NEGR1: variants seen among roughly 807,000 people sequenced by gnomAD.
NEGR1 encodes the protein neuronal growth regulator 1.
NEGR1 carries 10 observed loss-of-function variants against 40.9 expected under a neutral mutation model. That is an observed-to-expected ratio of 0.24 (90% CI 0.15 to 0.42). The LOEUF (loss-of-function observed/expected upper bound fraction) is 0.42. NEGR1 is among the 10% of genes least tolerant of loss of function. NEGR1 has a pLI of 1.00. For missense variants in NEGR1, 352 were observed against 438.9 expected (o/e 0.80, Z 1.77); for synonymous variants, 185 against 166.8 (o/e 1.11, Z -0.84).
intron 6 of NEGR1, among the ~76,000 whole-genome samples, chr1:71,556,661 A>C (rs879536755): frequency 2.6e-5 from 4 of 151,614 alleles, no homozygotes; most frequent in Middle Eastern, 6.8e-3. Context: ...ACATACACAC[A>C]CACAAGTCCA....
At chr1:71,873,789 C>A (rs939998576) in intron 2 of NEGR1, among the ~76,000 whole-genome samples, 1 of 152,050 alleles carries the variant, frequency 6.6e-6, no homozygotes, top group Non-Finnish European at 1.5e-5. Context: ...TTCATCATTG[C>A]TATAGTTGAA....
chr1:72,257,301 G>A (rs1557601379), intron 1 of NEGR1, among the ~76,000 whole-genome samples: 2 of 120,946 alleles, frequency 1.7e-5, no homozygotes, highest in African/African-American at 6.6e-5. Context: ...CAGCCTGGGC[G>A]ACAGAGCGAG....
At chr1:71,879,693 A>G (rs1462225656) in intron 2 of NEGR1, among the ~76,000 whole-genome samples, 7 of 152,172 alleles carry the variant, frequency 4.6e-5, no homozygotes, top group Admixed American at 1.3e-4. Context: ...GCTCTTCACT[A>G]AAGCATTTCA....
At chr1:72,127,235 C>A (rs890022072) in intron 1 of NEGR1, among the ~76,000 whole-genome samples, 1 of 152,022 alleles carries the variant, frequency 6.6e-6, no homozygotes, top group African/African-American at 2.4e-5. Context: ...GAGGCCGAGG[C>A]GGGAAGATCA....
At chr1:72,257,606 A>G (rs1247251478) in intron 1 of NEGR1, among the ~76,000 whole-genome samples, 2 of 152,182 alleles carry the variant, frequency 1.3e-5, no homozygotes, top group Non-Finnish European at 2.9e-5. Context: ...TTTCTCCAAC[A>G]TGAATAAAGT....
At chr1:72,219,672 T>C (rs184014051) in intron 1 of NEGR1, among the ~76,000 whole-genome samples, 1 of 152,202 alleles carries the variant, frequency 6.6e-6, no homozygotes, top group East Asian at 1.9e-4. Context: ...AATCAATAGA[T>C]ATGTTTATAA....
At chr1:71,567,222 T>C (rs17091389) in intron 6 of NEGR1, among the ~76,000 whole-genome samples, 2,209 of 152,254 alleles carry the variant, frequency 0.015, 45 homozygotes, top group African/African-American at 0.051. Context: ...TTTTTACCTC[T>C]ATTTCCATCA....
At chr1:72,188,591 C>A (rs955564450) in intron 1 of NEGR1, among the ~76,000 whole-genome samples, 3 of 151,400 alleles carry the variant, frequency 2.0e-5, no homozygotes, top group Non-Finnish European at 3.0e-5. Context: ...CAAGAAGAGT[C>A]CTTTACAATT....
intron 6 of NEGR1, among the ~76,000 whole-genome samples, chr1:71,460,629 T>C (rs1646708231): frequency 6.6e-6 from 1 of 152,176 alleles, no homozygotes; most frequent in Non-Finnish European, 1.5e-5. Flanking sequence ...CAATAAGTAT[T>C]AGATATTTTA....
chr1:72,180,248 A>G (rs1163312764), intron 1 of NEGR1, among the ~76,000 whole-genome samples: 1 of 152,066 alleles, frequency 6.6e-6, no homozygotes, highest in Non-Finnish European at 1.5e-5. Context: ...CTAATTATTG[A>G]GAAAGGCACA....
At chr1:71,840,938 C>T (rs1459267092) in intron 2 of NEGR1, among the ~76,000 whole-genome samples, 2 of 152,132 alleles carry the variant, frequency 1.3e-5, no homozygotes, top group Non-Finnish European at 2.9e-5. Context: ...GAACTCATGG[C>T]GAGCAGCCTT....
At position 71,402,445 on chromosome 1, in the gene NEGR1, A is replaced by T. The variant is rs555990062; in HGVS notation, c.*5001T>A. 5 of 152,292 alleles carry T rather than the reference A, an allele frequency of 3.3e-5. No individual in the cohort carries two copies. Among genetic ancestry groups the T allele is most frequent in the African/African-American group, 1.2e-4 (5 of 41,580 alleles). The allele number at this position is 152,292 out of a possible 1,614,324, so 9.4% of individuals were successfully genotyped here. ...GTCTAGCTTTAGGATGACTGTGGGTAGAGCTTCTAGGGAGAAGAATGAAAC... is the reference window on the plus strand; with the variant it reads ...GTCTAGCTTTAGGATGACTGTGGGTTGAGCTTCTAGGGAGAAGAATGAAAC... On this transcript the variant is annotated 3_prime_UTR_variant, in exon 7 of 7. Transcript: ENST00000357731.
At chr1:71,794,329 T>G (rs2101739591) in intron 2 of NEGR1, 1 of 152,152 alleles carries the variant, frequency 6.6e-6, no homozygotes, top group South Asian at 2.1e-4. Context: ...CAATCCTAAC[T>G]AAGAAAAATA....
At chr1:71,694,764 C>T (rs770908778) in intron 4 of NEGR1, among the ~76,000 whole-genome samples, 14 of 151,654 alleles carry the variant, frequency 9.2e-5, no homozygotes, top group Admixed American at 6.6e-4. Context: ...CTGAATCTAC[C>T]GGAGCTTATG....
intron 3 of NEGR1, among the ~76,000 whole-genome samples, chr1:71,700,080 A>G (rs757458382): frequency 1.3e-4 from 19 of 151,994 alleles, no homozygotes; most frequent in Non-Finnish European, 2.1e-4. Flanking sequence ...AGAAAATTTG[A>G]CATTTCGTTA....
At position 72,177,485 on chromosome 1, in the gene NEGR1, T is replaced by C. The variant is rs145853153; in HGVS notation, c.176+104834A>G. Among the ~76,000 whole-genome samples the C allele has an allele frequency of 5.1e-3, 780 of 152,190 alleles. 7 individuals carry two copies. The highest frequency in any genetic ancestry group is 0.018 in the African/African-American group (752 of 41,562). On this transcript the variant is annotated intron_variant, in intron 1 of 6. Coordinates refer to ENST00000357731, the MANE Select transcript of NEGR1 (RefSeq NM_173808.3). ...ATAACTAATAGTACATTGAACATCA[T>C]TGTACATATACAATTCCATGTTTTG...
chr1:71,831,933 T>G (rs1164167614), intron 2 of NEGR1, among the ~76,000 whole-genome samples: 2 of 151,820 alleles, frequency 1.3e-5, no homozygotes, highest in Non-Finnish European at 2.9e-5. Flanking sequence ...AATGCATTTT[T>G]TTAATATGGT....
intron 4 of NEGR1, among the ~76,000 whole-genome samples, chr1:71,628,470 T>C (rs1650860825): frequency 1.3e-5 from 2 of 152,012 alleles, no homozygotes; most frequent in South Asian, 4.1e-4. Flanking sequence ...AACATGCAGG[T>C]TTGTTACATA....
At chr1:72,167,093 C>T (rs1364957842) in intron 1 of NEGR1, among the ~76,000 whole-genome samples, 1 of 152,010 alleles carries the variant, frequency 6.6e-6, no homozygotes, top group Non-Finnish European at 1.5e-5. Flanking sequence ...TGGCCACTGC[C>T]ACTCAGACAG....
Sources: gnomAD v4.1 joint callset for allele counts (sites outside exome capture counted in the v4.1 genomes callset) on GRCh38, gnomAD v4.1.1 for gene constraint, MANE v1.5 for transcripts, NCBI Gene and HGNC (gene_info 2026-07-23, HGNC 2026-07-21) for gene names.